The following NPHP4 variants were observed in gnomAD, a reference collection of about 807,000 sequenced individuals.
The protein encoded by NPHP4 is nephrocystin 4.
NPHP4 carries 151 observed loss-of-function variants against 155.8 expected under a neutral mutation model. That is an observed-to-expected ratio of 0.97 (90% CI 0.85 to 1.11). NPHP4 has a LOEUF of 1.11. NPHP4 is among the 50% of genes least tolerant of loss of function. The pLI is 0.00. For missense variants in NPHP4, 1,956 were observed against 1,925.7 expected (o/e 1.02, Z -0.29); for synonymous variants, 845 against 816.8 (o/e 1.03, Z -0.59).
chr1:5,914,257 C>CAAAAAAAAAAAAAA lies in NPHP4; in HGVS notation c.1442-5058_1442-5045dup, dbSNP rs575438284. 2.7e-4 allele frequency among the ~76,000 whole-genome samples: 13 copies of CAAAAAAAAAAAAAA among 47,398 alleles called. 1 individual carries two copies. Among genetic ancestry groups the CAAAAAAAAAAAAAA allele is most frequent in the Non-Finnish European group, 3.4e-4 (8 of 23,788 alleles). 31.1% of individuals were successfully genotyped at this position (47,398 alleles called of 152,430 possible). Reference sequence around the variant, plus strand: ...GCAACATGGCAAAATCTTATCTATACAAAAAAAAAAAAAAAAAAAAAAAAA... The same window carrying CAAAAAAAAAAAAAA: ...GCAACATGGCAAAATCTTATCTATACAAAAAAAAAAAAAAAAAAAAAAAAAAAAAAAAAAAAAAA... On this transcript the variant is annotated intron_variant, in intron 11 of 29. Transcript: ENST00000378156.
intron 9 of NPHP4, among the ~76,000 whole-genome samples, chr1:5,942,761 C>T (rs1416943648): frequency 1.3e-5 from 2 of 151,984 alleles, no homozygotes; most frequent in Non-Finnish European, 2.9e-5. Context: ...GATTTTGTTC[C>T]AAGAATATGA....
rs368688582 is a variant in NPHP4, at chr1:5,986,883, G to A, written c.-38-556C>T. 4.7e-4 allele frequency among the ~76,000 whole-genome samples: 71 copies of A among 152,246 alleles called. 1 individual carries two copies. Among genetic ancestry groups the A allele is most frequent in the African/African-American group, 1.6e-3 (66 of 41,544 alleles). On this transcript the variant is annotated intron_variant, in intron 1 of 29. Coordinates refer to ENST00000378156, the MANE Select transcript of NPHP4 (RefSeq NM_015102.5). ...TACCACACAAGGACACCAGGGGTGG[G>A]TGGCTGCTGAAATACAGTCCTAGCG...
chr1:5,980,596 A>C (rs1261084059), intron 2 of NPHP4, among the ~76,000 whole-genome samples: 2 of 150,482 alleles, frequency 1.3e-5, no homozygotes, highest in East Asian at 3.9e-4. Context: ...GGAGGAGGCG[A>C]GACAGGGAGG....
chr1:5,909,083 G>A lies in NPHP4; in HGVS notation c.1503+69C>T, dbSNP rs996502614. 5.5e-5 allele frequency: 70 copies of A among 1,282,730 alleles called. 1 individual carries two copies. The highest frequency in any genetic ancestry group is 4.7e-4 in the Admixed American group (24 of 50,838). 79.5% of individuals were successfully genotyped at this position (1,282,730 alleles called of 1,614,324 possible). ...CAGGGATCCACTGTGCTTAAGGGGGGACAGAGGGTTTTCTTGCAAGTAATT... is the reference window on the plus strand; with the variant it reads ...CAGGGATCCACTGTGCTTAAGGGGGAACAGAGGGTTTTCTTGCAAGTAATT... On this transcript the variant is annotated intron_variant, in intron 12 of 29. Transcript: ENST00000378156.
At chr1:5,906,021 C>A (rs1463516572) in intron 13 of NPHP4, among the ~76,000 whole-genome samples, 1 of 152,094 alleles carries the variant, frequency 6.6e-6, no homozygotes, top group Non-Finnish European at 1.5e-5. Flanking sequence ...TGTTGTGTAC[C>A]TGAGGTTCAA....
chr1:5,991,972 G>A (rs1656436562), intron 1 of NPHP4, among the ~76,000 whole-genome samples: 1 of 151,224 alleles, frequency 6.6e-6, no homozygotes, highest in Non-Finnish European at 1.5e-5. Context: ...GGCAAGGGCA[G>A]AAAGGAACCC....
At chr1:5,967,215 G>C (rs1570681657) in intron 5 of NPHP4, 84 bp downstream of exon 5, 1 of 1,046,282 alleles carries the variant, frequency 9.6e-7, no homozygotes, top group Non-Finnish European at 1.4e-6. Context: ...CACTGAGAAA[G>C]ATCCCATTCA....
chr1:5,880,435 C>A (rs920892057), intron 18 of NPHP4, 196 bp from the exon 19 acceptor site: 4 of 575,544 alleles, frequency 6.9e-6, no homozygotes, highest in African/African-American at 1.9e-5. Flanking sequence ...GAACTTTCAG[C>A]TAGGTCTTCA....
At chr1:5,909,807 G>C (rs1433957832) in intron 11 of NPHP4, among the ~76,000 whole-genome samples, 8 of 152,124 alleles carry the variant, frequency 5.3e-5, no homozygotes, top group Non-Finnish European at 1.2e-4. Context: ...AACTGCCTTG[G>C]CCCTTTATAA....
At chr1:5,923,852 A>G (rs775741758) in intron 11 of NPHP4, among the ~76,000 whole-genome samples, 19 of 152,376 alleles carry the variant, frequency 1.2e-4, no homozygotes, top group Middle Eastern at 3.4e-3. Context: ...GCCCATCAAA[A>G]GTTATCAGAC....
intron 4 of NPHP4, among the ~76,000 whole-genome samples, chr1:5,967,978 AC>A (rs1370112592): frequency 6.6e-6 from 1 of 151,998 alleles, no homozygotes; most frequent in African/African-American, 2.4e-5. Flanking sequence ...CAGCCTATCC[AC>A]CCGTATGCCC....
At chr1:5,863,669 G>A (rs1304691873) in intron 29 of NPHP4, 10 of 627,618 alleles carry the variant, frequency 1.6e-5, no homozygotes, top group Non-Finnish European at 2.8e-5. Context: ...AAAAGCCCTG[G>A]GCACAACACC....
rs72857430 is a variant in NPHP4, at chr1:5,911,890, G to A, written c.1442-2677C>T. On this transcript the variant is annotated intron_variant, in intron 11 of 29. Coordinates refer to ENST00000378156, the MANE Select transcript of NPHP4 (RefSeq NM_015102.5). ...ACAGCGCGGCCGCCAGGGAGCACCC[G>A]CTGTACTCCAGGCCCCAGGAGTCTT... Among the ~76,000 whole-genome samples, 807 of 152,308 alleles carry A rather than the reference G, an allele frequency of 5.3e-3. 6 individuals are homozygous for A. Among genetic ancestry groups the A allele is most frequent in the African/African-American group, 0.019 (771 of 41,556 alleles).
intron 6 of NPHP4, among the ~76,000 whole-genome samples, chr1:5,956,898 G>A (rs543833291): frequency 6.6e-6 from 1 of 152,148 alleles, no homozygotes; most frequent in Non-Finnish European, 1.5e-5. Context: ...GACTTGGAGA[G>A]GCTGGGAAAC....
intron 5 of NPHP4, among the ~76,000 whole-genome samples, chr1:5,964,933 A>ATTTTT (rs1327414741): frequency 7.6e-4 from 18 of 23,774 alleles, no homozygotes; most frequent in East Asian, 3.5e-3. Flanking sequence ...ATATATATAT[A>ATTTTT]TATATATATT....
chr1:5,941,412 A>G (rs1406307545), intron 9 of NPHP4, among the ~76,000 whole-genome samples: 1 of 152,086 alleles, frequency 6.6e-6, no homozygotes, highest in Non-Finnish European at 1.5e-5. Context: ...ATCCAGATAC[A>G]ATAAAAGAAA....
chr1:5,990,385 G>T (rs949917274), intron 1 of NPHP4, among the ~76,000 whole-genome samples: 3 of 151,912 alleles, frequency 2.0e-5, no homozygotes, highest in African/African-American at 7.3e-5. Context: ...AACAATAAAA[G>T]AGAAAATCGA....
At chr1:5,985,790 G>C (rs1263493029) in intron 2 of NPHP4, among the ~76,000 whole-genome samples, 3 of 152,174 alleles carry the variant, frequency 2.0e-5, no homozygotes, top group Admixed American at 6.5e-5. Context: ...TTTGACCTAT[G>C]ATGGGACTCT....
chr1:5,863,628 T>G, intron 29 of NPHP4: 1 of 624,302 alleles, frequency 1.6e-6, no homozygotes, highest in Non-Finnish European at 2.8e-6. Context: ...GCACACTTAT[T>G]TCCGAGACTG....
Sources: allele counts gnomAD v4.1 joint callset (sites outside exome capture counted in the v4.1 genomes callset), GRCh38; gene constraint gnomAD v4.1.1; transcripts MANE v1.5; gene names NCBI Gene and HGNC (gene_info 2026-07-23, HGNC 2026-07-21).